Variants in BTBD16 observed in about 807,000 individuals in gnomAD.
BTBD16 encodes the protein BTB/POZ domain-containing protein 16.
BTBD16 carries 66 observed loss-of-function variants against 67.4 expected under a neutral mutation model. That is an observed-to-expected ratio of 0.98 (90% CI 0.80 to 1.20). The LOEUF (loss-of-function observed/expected upper bound fraction) is 1.20. Ranked by LOEUF, BTBD16 falls within the 50% of genes most tolerant of loss-of-function variation. The pLI is 0.00. For synonymous variants in BTBD16, 242 were observed against 236.4 expected, an observed-to-expected ratio of 1.02 and a Z score of -0.22; for missense variants, 634 against 616.0, an observed-to-expected ratio of 1.03 and a Z score of -0.31.
chr10:122,292,006 G>A (rs1459168698), intron 7 of BTBD16, among the ~76,000 whole-genome samples: 2 of 152,138 alleles, frequency 1.3e-5, no homozygotes, highest in Non-Finnish European at 2.9e-5. Context: ...AGCATGAGGG[G>A]GTAACAGACA....
At chr10:122,304,944 G>A (rs1335036099) in intron 9 of BTBD16, among the ~76,000 whole-genome samples, 1 of 152,138 alleles carries the variant, frequency 6.6e-6, no homozygotes, top group African/African-American at 2.4e-5. Context: ...ACCTGACCCT[G>A]CCACATATCC....
chr10:122,319,139 A>G (rs547436422), intron 10 of BTBD16, among the ~76,000 whole-genome samples: 49 of 152,302 alleles, frequency 3.2e-4, no homozygotes, highest in African/African-American at 9.9e-4. Context: ...CCTTTGTCAG[A>G]TACATATTTC....
At chr10:122,305,732 C>T (rs971001746) in intron 9 of BTBD16, among the ~76,000 whole-genome samples, 9 of 152,192 alleles carry the variant, frequency 5.9e-5, no homozygotes, top group African/African-American at 2.2e-4. Context: ...AATCCTCGCC[C>T]TCTTCCTACC....
chr10:122,301,797 C>T (rs2142084181), intron 9 of BTBD16, among the ~76,000 whole-genome samples: 1 of 152,284 alleles, frequency 6.6e-6, no homozygotes, highest in Middle Eastern at 3.4e-3. Flanking sequence ...TCTATCCCCA[C>T]CACCCCACGT....
rs1771531972 is a variant in BTBD16 at position 122,307,172 on chromosome 10, C to G, written c.792-17C>G. 1 of 1,574,540 alleles carries G rather than the reference C, an allele frequency of 6.4e-7. No homozygotes were observed. Among genetic ancestry groups the G allele is most frequent in the Admixed American group, 2.0e-5 (1 of 49,984 alleles). ...GCTATTTCTGAAATTTCTTCTCAAT[C>G]TTTTTATTTTGGCCAGGTTATTTAC... is the stretch of plus-strand genomic sequence containing the variant. On this transcript the variant is annotated splice_polypyrimidine_tract_variant and intron_variant, in intron 9 of 15. Coordinates refer to ENST00000260723, the MANE Select transcript of BTBD16 (RefSeq NM_144587.5).
intron 4 of BTBD16, 68 bp downstream of exon 4, chr10:122,283,992 T>C: frequency 1.6e-6 from 2 of 1,214,936 alleles, no homozygotes; most frequent in South Asian, 2.4e-5. Context: ...GTGGTCTTTA[T>C]GGAAGGAGAC....
intron 7 of BTBD16, chr10:122,295,472 G>A: frequency 1.0e-6 from 1 of 985,438 alleles, no homozygotes; most frequent in Non-Finnish European, 1.2e-6. Context: ...GGAAGCCTGG[G>A]CTTGGGAGGG....
rs768245455 is a variant in BTBD16, at chr10:122,319,556, A to C, written c.912-9924A>C. 2.5e-4 allele frequency among the ~76,000 whole-genome samples: 38 copies of C among 152,252 alleles called. 1 individual carries two copies. The highest frequency in any genetic ancestry group is 9.8e-4 in the Admixed American group (15 of 15,298). ...TATGTGTGTGTTTATTTTGGGACTCAATATTCTGTTCCTTTAAACCATATT... is the reference window on the plus strand; with the variant it reads ...TATGTGTGTGTTTATTTTGGGACTCCATATTCTGTTCCTTTAAACCATATT... On this transcript the variant is annotated intron_variant, in intron 10 of 15. Transcript: ENST00000260723.
chr10:122,275,777 G>A (rs74411266), intron 2 of BTBD16, among the ~76,000 whole-genome samples: 6 of 152,042 alleles, frequency 3.9e-5, no homozygotes, highest in African/African-American at 9.7e-5. Context: ...GCTGGGTATC[G>A]TCCTTCTTTT....
At chr10:122,329,592 G>GC (rs897869585) in intron 11 of BTBD16, 21 bp downstream of exon 11, 1 of 1,608,504 alleles carries the variant, frequency 6.2e-7, no homozygotes, top group Non-Finnish European at 8.5e-7. Flanking sequence ...GTCCAGGCGA[G>GC]CGCATCCACG....
chr10:122,311,654 A>T (rs1276728514), intron 10 of BTBD16, among the ~76,000 whole-genome samples: 1 of 152,242 alleles, frequency 6.6e-6, no homozygotes, highest in Admixed American at 6.5e-5. Flanking sequence ...ACATTTTAAA[A>T]TCAAGGCATA....
At chr10:122,306,934 C>A (rs754745866) in intron 9 of BTBD16, among the ~76,000 whole-genome samples, 7 of 152,170 alleles carry the variant, frequency 4.6e-5, no homozygotes, top group Non-Finnish European at 1.0e-4. Context: ...AAATGACGAT[C>A]ATTGTTTTGC....
chr10:122,295,105 G>GCACT (rs1206681812), intron 7 of BTBD16, among the ~76,000 whole-genome samples: 2 of 152,236 alleles, frequency 1.3e-5, no homozygotes, highest in African/African-American at 4.8e-5. Context: ...CACAGAGCTG[G>GCACT]CACTCAGGAT....
intron 13 of BTBD16, chr10:122,332,915 A>G: frequency 1.0e-6 from 1 of 985,338 alleles, no homozygotes. Context: ...GTTTAAGCTT[A>G]TAGGGGTGAA....
At chr10:122,331,329 A>G (rs2096454812) in intron 12 of BTBD16, 71 bp downstream of exon 12, 1 of 1,591,188 alleles carries the variant, frequency 6.3e-7, no homozygotes, top group Non-Finnish European at 8.5e-7. Flanking sequence ...TTTTCTGGAG[A>G]TGTGTTTCAC....
At chr10:122,329,716 C>T (rs1020244650) in intron 11 of BTBD16, 145 bp downstream of exon 11, 13 of 663,620 alleles carry the variant, frequency 2.0e-5, no homozygotes, top group African/African-American at 1.3e-4. Context: ...TGTGTGACTT[C>T]GGGAAAGTCA....
rs2096456635 is a variant in BTBD16, at chr10:122,332,428, C to T, written c.1087-8C>T. The T allele has an allele frequency of 1.9e-6, 3 of 1,613,666 alleles. No homozygotes were observed. Among genetic ancestry groups the T allele is most frequent in the Non-Finnish European group, 2.5e-6 (3 of 1,179,838 alleles). On this transcript the variant is annotated splice_region_variant and splice_polypyrimidine_tract_variant and intron_variant, in intron 12 of 15. Transcript: ENST00000260723. ...CACCGTGGTCAGCTGTGTGCATTTT[C>T]CTTTCAGCTGGAGAATGGGGGCGAC...
intron 1 of BTBD16, among the ~76,000 whole-genome samples, chr10:122,272,678 TACACAC>T (rs112265160): frequency 0.19 from 28,732 of 147,606 alleles, 2,801 homozygotes; most frequent in East Asian, 0.27. Flanking sequence ...GCAAAGGAAA[TACACAC>T]ACACACACAC....
At chr10:122,281,498 A>T (rs2096353064) in intron 3 of BTBD16, among the ~76,000 whole-genome samples, 1 of 152,156 alleles carries the variant, frequency 6.6e-6, no homozygotes, top group African/African-American at 2.4e-5. Flanking sequence ...CTCCTGGGCT[A>T]AAGCGGTCCT....
Sources: gnomAD v4.1 joint callset for allele counts (sites outside exome capture counted in the v4.1 genomes callset) on GRCh38, gnomAD v4.1.1 for gene constraint, MANE v1.5 for transcripts, NCBI Gene and HGNC (gene_info 2026-07-23, HGNC 2026-07-21) for gene names.